TCF4: variants seen among roughly 807,000 people sequenced by gnomAD.
TCF4 encodes transcription factor 4.
Under a neutral mutation model 82.1 loss-of-function variants are expected in TCF4, and 3 were observed. That is an observed-to-expected ratio of 0.04 (90% confidence interval 0.02 to 0.09). TCF4 has a LOEUF of 0.09. TCF4 is among the 10% of genes least tolerant of loss of function. TCF4 has a pLI of 1.00. For synonymous variants in TCF4, 276 were observed against 309.6 expected, an observed-to-expected ratio of 0.89 and a Z score of 1.14; for missense variants, 518 against 852.7, an observed-to-expected ratio of 0.61 and a Z score of 4.89.
At position 55,383,590 on chromosome 18, in the gene TCF4, C is replaced by A. The variant is rs559402657; in HGVS notation, c.369+19864G>T. 7.7e-4 allele frequency among the ~76,000 whole-genome samples: 117 copies of A among 152,216 alleles called. 1 individual carries two copies. The highest frequency in any genetic ancestry group is 1.5e-3 in the Non-Finnish European group (102 of 68,034). ...ATAATTAAACATTCAAATTCCCAAG[C>A]TGATATCTGTATAATAAACAATCTA... On this transcript the variant is annotated intron_variant, in intron 6 of 19. Coordinates refer to ENST00000354452, the MANE Select transcript of TCF4 (RefSeq NM_001083962.2).
intron 3 of TCF4, among the ~76,000 whole-genome samples, chr18:55,578,396 A>G (rs1047734790): frequency 1.1e-4 from 16 of 152,122 alleles, no homozygotes; most frequent in African/African-American, 3.6e-4. Context: ...AACCAACTGC[A>G]TGATTTGGGC....
Position 55,464,147 on chromosome 18 carries a change from A to C in TCF4, c.146-10T>G, listed in dbSNP as rs1256589794. The C allele has an allele frequency of 1.9e-6, 3 of 1,613,754 alleles. No homozygotes were observed. Among genetic ancestry groups the C allele is most frequent in the Non-Finnish European group, 2.5e-6 (3 of 1,179,800 alleles). On this transcript the variant is annotated splice_polypyrimidine_tract_variant and intron_variant, in intron 3 of 19. Transcript: ENST00000354452. ...CTTCTGTCTTCTACATCTAGGGACA[A>C]GAGAAAAGTTCTTTAGGCTTTCTTG...
At chr18:55,552,658 G>A (rs191028346) in intron 3 of TCF4, among the ~76,000 whole-genome samples, 78 of 152,280 alleles carry the variant, frequency 5.1e-4, no homozygotes, top group Non-Finnish European at 9.1e-4. Context: ...TTTATACATC[G>A]CTTAATGGGC....
chr18:55,608,075 A>C (rs1231868470), intron 2 of TCF4, among the ~76,000 whole-genome samples: 1 of 152,202 alleles, frequency 6.6e-6, no homozygotes, highest in Non-Finnish European at 1.5e-5. Flanking sequence ...GTCTCACTGT[A>C]ACCTTAATGG....
At chr18:55,356,425 T>G (rs578241719) in intron 6 of TCF4, among the ~76,000 whole-genome samples, 27 of 152,326 alleles carry the variant, frequency 1.8e-4, no homozygotes, top group African/African-American at 5.8e-4. Flanking sequence ...TCTTCATAAT[T>G]AAATTTAAGT....
At chr18:55,608,489 C>G (rs1703791792) in intron 2 of TCF4, among the ~76,000 whole-genome samples, 1 of 149,760 alleles carries the variant, frequency 6.7e-6, no homozygotes. Flanking sequence ...AAATACGCAT[C>G]TCCATTCCAA....
At chr18:55,454,094 C>A (rs747546524) in intron 5 of TCF4, among the ~76,000 whole-genome samples, 1 of 152,232 alleles carries the variant, frequency 6.6e-6, no homozygotes, top group East Asian at 1.9e-4. Context: ...AACACTTGGG[C>A]TCGAGCAATC....
chr18:55,230,594 A>G (rs967093832), intron 17 of TCF4: 1 of 152,224 alleles, frequency 6.6e-6, no homozygotes, highest in African/African-American at 2.4e-5. Context: ...CATGGAAGTG[A>G]CTAACAATTA....
intron 6 of TCF4, among the ~76,000 whole-genome samples, chr18:55,390,957 C>T (rs1377278395): frequency 6.6e-6 from 1 of 152,182 alleles, no homozygotes. Context: ...CTTACGTGGT[C>T]GCTAGTTGGG....
At chr18:55,290,523 A>G (rs1221842741) in intron 8 of TCF4, among the ~76,000 whole-genome samples, 2 of 152,194 alleles carry the variant, frequency 1.3e-5, no homozygotes, top group African/African-American at 4.8e-5. Flanking sequence ...TGGAAAGCAG[A>G]GAAGGTATGA....
At chr18:55,342,643 A>G (rs1041941644) in intron 8 of TCF4, among the ~76,000 whole-genome samples, 1 of 152,164 alleles carries the variant, frequency 6.6e-6, no homozygotes, top group African/African-American at 2.4e-5. Flanking sequence ...GCCTCCTTAG[A>G]CAATTTTTTT....
At chr18:55,529,418 TCTGA>T (rs932300667) in intron 3 of TCF4, among the ~76,000 whole-genome samples, 1 of 152,154 alleles carries the variant, frequency 6.6e-6, no homozygotes, top group Non-Finnish European at 1.5e-5. Flanking sequence ...CATTTCAATC[TCTGA>T]CTTTTATTTT....
intron 2 of TCF4, among the ~76,000 whole-genome samples, chr18:55,595,220 C>T (rs990788684): frequency 6.6e-6 from 1 of 152,166 alleles, no homozygotes; most frequent in Admixed American, 6.5e-5. Context: ...GTCAAAGATG[C>T]GTTTTTCCCT....
intron 10 of TCF4, 119 bp downstream of exon 10, chr18:55,275,500 T>C (rs2061338117): frequency 3.1e-6 from 4 of 1,288,368 alleles, no homozygotes; most frequent in Non-Finnish European, 4.5e-6. Context: ...TTAAGAATAA[T>C]GGGTGTGTGC....
At chr18:55,597,364 T>A (rs1265481180) in intron 2 of TCF4, among the ~76,000 whole-genome samples, 1 of 152,132 alleles carries the variant, frequency 6.6e-6, no homozygotes, top group East Asian at 1.9e-4. Flanking sequence ...CTGCATGATA[T>A]TTCAAACCCG....
chr18:55,599,658 T>C (rs2097694716), intron 2 of TCF4, among the ~76,000 whole-genome samples: 3 of 152,244 alleles, frequency 2.0e-5, no homozygotes, highest in South Asian at 4.2e-4. Context: ...GAGGCAGGGA[T>C]TGCGGTGAGC....
chr18:55,436,847 A>G (rs2095339982), intron 5 of TCF4, among the ~76,000 whole-genome samples: 1 of 152,226 alleles, frequency 6.6e-6, no homozygotes, highest in South Asian at 2.1e-4. Flanking sequence ...AACAACAACA[A>G]CAACAAAACT....
chr18:55,264,504 TAC>T (rs1432390256), intron 11 of TCF4: 2 of 152,180 alleles, frequency 1.3e-5, no homozygotes, highest in East Asian at 1.9e-4. Context: ...GTCTTTCTCT[TAC>T]AGATTTCTCT....
At chr18:55,415,706 G>A (rs1343774920) in intron 5 of TCF4, among the ~76,000 whole-genome samples, 1 of 152,174 alleles carries the variant, frequency 6.6e-6, no homozygotes, top group Non-Finnish European at 1.5e-5. Flanking sequence ...TCATTAAAAA[G>A]ATTTGTACAG....
Sources: gnomAD v4.1 joint callset for allele counts (sites outside exome capture counted in the v4.1 genomes callset) on GRCh38, gnomAD v4.1.1 for gene constraint, MANE v1.5 for transcripts, NCBI Gene and HGNC (gene_info 2026-07-23, HGNC 2026-07-21) for gene names.